Variants in ARFIP1 observed in about 807,000 individuals in gnomAD.
ARFIP1 encodes arfaptin-1.
In ARFIP1, 24 loss-of-function variants were observed where a neutral mutation model predicts 42.5. That is an observed-to-expected ratio of 0.57 (90% CI 0.41 to 0.80). The LOEUF (loss-of-function observed/expected upper bound fraction) is 0.80. Among genes scored for constraint, ARFIP1 ranks in the 30% least tolerant of loss-of-function variants. ARFIP1 has a pLI of 0.00. For missense variants in ARFIP1, 354 were observed against 434.0 expected (o/e 0.82, Z 1.64); for synonymous variants, 141 against 153.7 (o/e 0.92, Z 0.61).
Position 152,888,193 on chromosome 4 carries a change from A to T in ARFIP1, c.852A>T (p.Ala284=). ...AACTGAATCTTGGACCACGTGACGC[A>T]AACACTCTGCCAAAGATTGAGCAGT... ...LEELNLGPRD[A]NTLPKIEQSQ... Residue 284 remains alanine, a synonymous_variant, in exon 8 of 9, where the codon GCA becomes GCT. Coordinates refer to ENST00000353617, the MANE Select transcript of ARFIP1 (RefSeq NM_001025595.3). The T allele has an allele frequency of 6.2e-7, 1 of 1,612,158 alleles. No individual in the cohort carries two copies. Among genetic ancestry groups the T allele is most frequent in the South Asian group, 1.1e-5 (1 of 90,806 alleles).
At chr4:152,832,733 T>G (rs1356330027) in intron 2 of ARFIP1, among the ~76,000 whole-genome samples, 1 of 152,250 alleles carries the variant, frequency 6.6e-6, no homozygotes, top group Non-Finnish European at 1.5e-5. Flanking sequence ...TGATTCATCT[T>G]GAATTAGTTT....
intron 1 of ARFIP1, among the ~76,000 whole-genome samples, chr4:152,822,107 A>G (rs1380040843): frequency 6.6e-6 from 1 of 152,166 alleles, no homozygotes; most frequent in Non-Finnish European, 1.5e-5. Context: ...TTTAAAAGAT[A>G]CAGATTGGCA....
At chr4:152,841,277 G>GC (rs1732051603) in intron 2 of ARFIP1, among the ~76,000 whole-genome samples, 1 of 151,762 alleles carries the variant, frequency 6.6e-6, no homozygotes, top group Non-Finnish European at 1.5e-5. Context: ...CTCGTGATCC[G>GC]CCCCCCTCAG....
intron 2 of ARFIP1, among the ~76,000 whole-genome samples, chr4:152,852,250 T>C (rs1273248201): frequency 5.9e-5 from 9 of 152,196 alleles, no homozygotes; most frequent in Admixed American, 5.9e-4. Flanking sequence ...TGAAATATAG[T>C]CTGGAAAATA....
intron 8 of ARFIP1, among the ~76,000 whole-genome samples, chr4:152,900,237 T>C (rs1446864328): frequency 6.6e-6 from 1 of 152,124 alleles, no homozygotes; most frequent in East Asian, 1.9e-4. Flanking sequence ...CGAAAGACTT[T>C]TTTTGCTAAA....
At chr4:152,867,517 G>A (rs1170384293) in intron 3 of ARFIP1, among the ~76,000 whole-genome samples, 6 of 152,046 alleles carry the variant, frequency 3.9e-5, no homozygotes, top group Non-Finnish European at 8.8e-5. Context: ...CGTGGGGAGA[G>A]GGAGAGAGGT....
At chr4:152,889,829 C>G (rs1474509840) in intron 8 of ARFIP1, among the ~76,000 whole-genome samples, 3 of 85,324 alleles carry the variant, frequency 3.5e-5, no homozygotes, top group African/African-American at 4.5e-5. Context: ...ACTATATATA[C>G]TATATACTAT....
intron 4 of ARFIP1, among the ~76,000 whole-genome samples, chr4:152,871,719 AT>A (rs1037177897): frequency 3.3e-5 from 5 of 152,130 alleles, no homozygotes; most frequent in Admixed American, 2.0e-4. Flanking sequence ...TATGAAAAGT[AT>A]TTTACTATTA....
chr4:152,818,820 A>C (rs757934319), intron 1 of ARFIP1, among the ~76,000 whole-genome samples: 3 of 152,172 alleles, frequency 2.0e-5, no homozygotes, highest in Non-Finnish European at 1.5e-5. Flanking sequence ...TGCCAAGTGC[A>C]TAGGAGCTGA....
chr4:152,882,293 A>G, intron 6 of ARFIP1, among the ~76,000 whole-genome samples: 1 of 145,986 alleles, frequency 6.8e-6, no homozygotes, highest in Non-Finnish European at 1.5e-5. Flanking sequence ...GAATCAGTCA[A>G]AACACAAAAA....
chr4:152,827,618 T>G (rs1455096089), intron 1 of ARFIP1, among the ~76,000 whole-genome samples: 3 of 152,208 alleles, frequency 2.0e-5, no homozygotes. Context: ...CCTCTATAGT[T>G]TTACCCTTTC....
intron 1 of ARFIP1, among the ~76,000 whole-genome samples, chr4:152,803,419 A>T (rs749294557): frequency 6.6e-6 from 1 of 152,036 alleles, no homozygotes; most frequent in Non-Finnish European, 1.5e-5. Context: ...TATTTTGGGG[A>T]ATTGTCTTAA....
At chr4:152,790,710 C>G (rs1731094459) in intron 1 of ARFIP1, among the ~76,000 whole-genome samples, 1 of 141,546 alleles carries the variant, frequency 7.1e-6, no homozygotes, top group South Asian at 2.3e-4. Context: ...TTTGAATTAT[C>G]TAGACTGATG....
chr4:152,822,941 A>G (rs1730510988), intron 1 of ARFIP1, among the ~76,000 whole-genome samples: 1 of 152,034 alleles, frequency 6.6e-6, no homozygotes, highest in African/African-American at 2.4e-5. Context: ...ACACCTACAT[A>G]AAAAAATATG....
intron 1 of ARFIP1, among the ~76,000 whole-genome samples, chr4:152,801,161 G>A (rs1728390853): frequency 1.3e-5 from 2 of 152,168 alleles, no homozygotes; most frequent in African/African-American, 4.8e-5. Flanking sequence ...ATTTTATAAT[G>A]TAATGTAAAC....
chr4:152,867,727 C>T (rs1449823433), intron 3 of ARFIP1, among the ~76,000 whole-genome samples: 1 of 152,056 alleles, frequency 6.6e-6, no homozygotes, highest in African/African-American at 2.4e-5. Context: ...GTTTCACTTG[C>T]TTATAGATAC....
intron 1 of ARFIP1, among the ~76,000 whole-genome samples, chr4:152,784,890 G>A (rs1730709177): frequency 6.6e-6 from 1 of 152,204 alleles, no homozygotes; most frequent in Non-Finnish European, 1.5e-5. Context: ...GCTCCTTGAT[G>A]TTGAAGCTTG....
At chr4:152,909,230 CA>C (rs1375072562) in intron 8 of ARFIP1, among the ~76,000 whole-genome samples, 2 of 151,962 alleles carry the variant, frequency 1.3e-5, no homozygotes, top group Non-Finnish European at 2.9e-5. Flanking sequence ...ACCAAAAATA[CA>C]AAAATTAGCT....
chr4:152,849,035 C>G (rs770285752), intron 2 of ARFIP1, among the ~76,000 whole-genome samples: 1 of 152,140 alleles, frequency 6.6e-6, no homozygotes, highest in South Asian at 2.1e-4. Context: ...GATTGTTTAA[C>G]CCATACAAAT....
Sources: gnomAD v4.1 joint callset for allele counts (sites outside exome capture counted in the v4.1 genomes callset) on GRCh38, gnomAD v4.1.1 for gene constraint, MANE v1.5 for transcripts, NCBI Gene and HGNC (gene_info 2026-07-23, HGNC 2026-07-21) for gene names.